Variants in PABIR2 observed in about 807,000 individuals in gnomAD.
The protein encoded by PABIR2 is family with sequence similarity 122B.
A neutral mutation model predicts 22.8 loss-of-function variants in PABIR2; 7 were observed. The ratio of observed to expected loss-of-function variants is 0.31; its 90% CI spans 0.17 to 0.58. The LOEUF (loss-of-function observed/expected upper bound fraction) is 0.58. Among genes scored for constraint, PABIR2 ranks in the 20% least tolerant of loss-of-function variants. The pLI, the probability that PABIR2 is intolerant of heterozygous loss-of-function variation, is 0.89. For synonymous variants in PABIR2, 67 were observed against 73.8 expected (o/e 0.91, Z 0.47); for missense variants, 155 against 205.1 (o/e 0.76, Z 1.49).
intron 6 of PABIR2, among the ~76,000 whole-genome samples, chrX:134,788,484 A>G (rs1395173956): frequency 1.9e-5 from 2 of 106,670 alleles, no homozygotes; most frequent in African/African-American, 6.7e-5. Flanking sequence ...TATACGTTAT[A>G]TATGTAATAT....
intron 7 of PABIR2, among the ~76,000 whole-genome samples, chrX:134,786,472 C>T (rs999164414): frequency 9.0e-5 from 10 of 110,941 alleles, no homozygotes; most frequent in Non-Finnish European, 1.9e-4. Flanking sequence ...GAGCTGAGAT[C>T]GCACCATTGC....
Position 134,787,496 on chromosome X carries a change from A to T in PABIR2, c.473T>A (p.Val158Asp), listed in dbSNP as rs371605829. Residue 158 changes from valine (V) to aspartate (D), a missense_variant, in exon 7 of 10, where the codon GTT becomes GAT. By Grantham distance (152) the Val-to-Asp change is radical. Transcript: ENST00000343004. ...CCTTGAAAATCGTCTTGGACTGGGA[A>T]CTGGACTTGGTGGCAATCCACTGCT... ...VSSSGLPPSP[V>D]PSPRRFSSRR... 7.4e-6 allele frequency: 9 copies of T among 1,210,833 alleles called. No individual in the cohort carries two copies. The highest frequency in any genetic ancestry group is 6.7e-6 in the Non-Finnish European group (6 of 894,925).
intron 7 of PABIR2, among the ~76,000 whole-genome samples, chrX:134,787,099 CTT>C (rs199859091): frequency 1.5e-4 from 14 of 94,392 alleles, no homozygotes; most frequent in African/African-American, 1.5e-4. Flanking sequence ...AGTTAATCTT[CTT>C]TTTTTTTTTT....
intron 9 of PABIR2, 35 bp downstream of exon 9, chrX:134,781,786 T>C (rs1222625732): frequency 9.9e-7 from 1 of 1,005,654 alleles, no homozygotes; most frequent in Admixed American, 2.5e-5. Flanking sequence ...TGGATTATAC[T>C]CTAATATACT....
At chrX:134,788,947 T>C in intron 5 of PABIR2, 116 bp from the exon 6 acceptor site, 1 of 1,031,137 alleles carries the variant, frequency 9.7e-7, no homozygotes, top group Non-Finnish European at 1.3e-6. Flanking sequence ...AATATTCTGC[T>C]GGAAAAGCAG....
intron 8 of PABIR2, among the ~76,000 whole-genome samples, chrX:134,783,077 A>G (rs944319968): frequency 8.9e-6 from 1 of 112,341 alleles, no homozygotes; most frequent in African/African-American, 3.2e-5. Context: ...ATTTTAAGTT[A>G]GTAATAATAA....
intron 5 of PABIR2, 98 bp downstream of exon 5, chrX:134,788,987 T>C (rs986410269): frequency 9.3e-7 from 1 of 1,078,539 alleles, no homozygotes; most frequent in African/African-American, 1.9e-5. Context: ...AATTTGGAAG[T>C]AGAAGGGGAA....
intron 2 of PABIR2, among the ~76,000 whole-genome samples, chrX:134,791,099 T>C (rs1395881005): frequency 2.7e-5 from 3 of 110,537 alleles, no homozygotes; most frequent in African/African-American, 9.9e-5. Flanking sequence ...TTACATAATA[T>C]ACAACTTGAC....
chrX:134,782,960 A>C (rs1488024274), intron 8 of PABIR2, among the ~76,000 whole-genome samples: 1 of 112,217 alleles, frequency 8.9e-6, no homozygotes, highest in Non-Finnish European at 1.9e-5. Flanking sequence ...CCTCACTAGC[A>C]AAAGACTTTA....
At chrX:134,774,794 C>T (rs1280780758) in intron 9 of PABIR2, among the ~76,000 whole-genome samples, 2 of 112,403 alleles carry the variant, frequency 1.8e-5, no homozygotes, top group African/African-American at 6.5e-5. Context: ...TTTAACCAGA[C>T]ATTTTCACTT....
intron 9 of PABIR2, among the ~76,000 whole-genome samples, chrX:134,777,882 TTGG>T (rs2079029926): frequency 2.9e-5 from 3 of 102,443 alleles, no homozygotes; most frequent in African/African-American, 1.1e-4. Context: ...GTTTGTTTGG[TTGG>T]TTTTTTTTTT....
At position 134,797,036 on chromosome X, in the gene PABIR2, AGCC is replaced by A; in HGVS notation, c.-834_-832del. 1 of 114,854 alleles carries A rather than the reference AGCC, an allele frequency of 8.7e-6. No homozygotes were observed. The highest frequency in any genetic ancestry group is 1.8e-5 in the Non-Finnish European group (1 of 54,124). 9.5% of individuals were successfully genotyped at this position (114,854 alleles called of 1,213,427 possible). ...GGACAGGTTGGGGGTTCGGCCTCTCAGCCGCCGCCGCGGTGCCTCCTCTTCCTC... is the reference window on the plus strand; with the variant it reads ...GGACAGGTTGGGGGTTCGGCCTCTCAGCCGCCGCGGTGCCTCCTCTTCCTC... On this transcript the variant is annotated 5_prime_UTR_variant, in exon 1 of 10. Transcript: ENST00000343004.
intron 9 of PABIR2, among the ~76,000 whole-genome samples, chrX:134,773,091 C>G (rs1041578272): frequency 3.6e-5 from 4 of 110,755 alleles, no homozygotes; most frequent in African/African-American, 3.3e-5. Flanking sequence ...CCCTATCCAG[C>G]CTGGGGGCTC....
chrX:134,777,179 A>G (rs1303087703), intron 9 of PABIR2, among the ~76,000 whole-genome samples: 1 of 112,255 alleles, frequency 8.9e-6, no homozygotes, highest in Non-Finnish European at 1.9e-5. Context: ...TCCTATCTCT[A>G]TCCCCATTTC....
At chrX:134,789,349 A>G in intron 3 of PABIR2, 83 bp from the exon 4 acceptor site, 1 of 1,112,490 alleles carries the variant, frequency 9.0e-7, no homozygotes, top group South Asian at 1.9e-5. Flanking sequence ...TTTTATCCAC[A>G]TAGTTCTCTG....
At chrX:134,793,604 T>C in intron 2 of PABIR2, 1 of 503,746 alleles carries the variant, frequency 2.0e-6, no homozygotes, top group Non-Finnish European at 3.5e-6. Flanking sequence ...TTTTAAAAAA[T>C]ACAAAGTCAC....
intron 8 of PABIR2, among the ~76,000 whole-genome samples, chrX:134,785,420 A>AT (rs2079282889): frequency 9.0e-6 from 1 of 110,917 alleles, no homozygotes; most frequent in African/African-American, 3.3e-5. Context: ...ATGTATGTAC[A>AT]TACTGTGAAA....
chrX:134,788,470 T>TATATATACGTTATATA (rs1569430746), intron 6 of PABIR2, among the ~76,000 whole-genome samples: 19 of 99,610 alleles, frequency 1.9e-4, no homozygotes, highest in African/African-American at 8.2e-4. Context: ...ATATATGTGT[T>TATATATACGTTATATA]ATATATACGT....
chrX:134,778,504 CAAA>C (rs750595910), intron 9 of PABIR2, among the ~76,000 whole-genome samples: 1 of 32,991 alleles, frequency 3.0e-5, no homozygotes. Context: ...AACTCCGTCT[CAAA>C]AAAAAAAAAA....
Sources: gnomAD v4.1 joint callset for allele counts (sites outside exome capture counted in the v4.1 genomes callset) on GRCh38, gnomAD v4.1.1 for gene constraint, MANE v1.5 for transcripts, NCBI Gene and HGNC (gene_info 2026-07-23, HGNC 2026-07-21) for gene names.